The following MSRA variants were observed in gnomAD, a reference collection of about 807,000 sequenced individuals.
The protein encoded by MSRA is methionine sulfoxide reductase A.
In MSRA, 54 loss-of-function variants were observed where a neutral mutation model predicts 31.3. The ratio of observed to expected loss-of-function variants is 1.73; its 90% CI spans 1.39 to 2.17. The LOEUF is 2.17. Among genes scored for constraint, MSRA ranks in the 30% most tolerant of loss-of-function variants. The pLI, the probability that MSRA is intolerant of heterozygous loss-of-function variation, is 0.00. For synonymous variants in MSRA, 169 were observed against 116.5 expected, an observed-to-expected ratio of 1.45 and a Z score of -2.90; for missense variants, 507 against 300.9, an observed-to-expected ratio of 1.69 and a Z score of -5.07.
intron 5 of MSRA, among the ~76,000 whole-genome samples, chr8:10,357,787 C>T (rs939960432): frequency 6.6e-6 from 1 of 152,174 alleles, no homozygotes; most frequent in African/African-American, 2.4e-5. Context: ...ATGTGTAGTG[C>T]GTATGTTGGG....
chr8:10,339,610 T>C (rs150389922), intron 5 of MSRA, among the ~76,000 whole-genome samples: 82 of 147,158 alleles, frequency 5.6e-4, no homozygotes, highest in African/African-American at 2.0e-3. Context: ...GATGCGATCT[T>C]GGCTCACTGC....
Position 10,263,173 on chromosome 8 carries a change from G to GT in MSRA, c.331+17953dup, listed in dbSNP as rs550308352. Among the ~76,000 whole-genome samples the GT allele has an allele frequency of 3.3e-4, 50 of 152,334 alleles. 2 individuals are homozygous for GT. In the South Asian group the frequency reaches 0.01, roughly 32 times the overall value. ...CCAGCATTAGGTTGGGTGTTTCTCA[G>GT]TTTAATGGCTAAACTCAAAATCTTT... On this transcript the variant is annotated intron_variant, in intron 3 of 5. Transcript: ENST00000317173.
intron 2 of MSRA, among the ~76,000 whole-genome samples, chr8:10,219,875 T>G (rs984126348): frequency 6.0e-5 from 9 of 151,018 alleles, no homozygotes; most frequent in African/African-American, 1.7e-4. Context: ...GGTTTTTTTT[T>G]GTTTGTTTGT....
At chr8:10,105,766 A>T (rs1799838839) in intron 1 of MSRA, among the ~76,000 whole-genome samples, 1 of 152,160 alleles carries the variant, frequency 6.6e-6, no homozygotes, top group Admixed American at 6.5e-5. Flanking sequence ...GTTGTGGCTG[A>T]GGCTCCTTGT....
chr8:10,359,105 C>T (rs149507909), intron 5 of MSRA, among the ~76,000 whole-genome samples: 6 of 152,188 alleles, frequency 3.9e-5, no homozygotes, highest in East Asian at 1.9e-4. Context: ...GCTTTTTCAA[C>T]GTGTAGTTTT....
chr8:10,184,744 G>A (rs1806869577), intron 1 of MSRA, among the ~76,000 whole-genome samples: 1 of 152,158 alleles, frequency 6.6e-6, no homozygotes, highest in Non-Finnish European at 1.5e-5. Context: ...TGGATGAAGA[G>A]ATCTAGATTC....
intron 5 of MSRA, among the ~76,000 whole-genome samples, chr8:10,336,435 A>G (rs1585510560): frequency 6.6e-6 from 1 of 151,552 alleles, no homozygotes; most frequent in African/African-American, 2.4e-5. Flanking sequence ...AAAAATTTTA[A>G]TCCTTTTTTT....
At chr8:10,304,527 C>G (rs1219626796) in intron 4 of MSRA, among the ~76,000 whole-genome samples, 1 of 152,064 alleles carries the variant, frequency 6.6e-6, no homozygotes, top group African/African-American at 2.4e-5. Context: ...CCTGGGGAAC[C>G]CTGAAGGTCC....
intron 1 of MSRA, among the ~76,000 whole-genome samples, chr8:10,191,802 G>A (rs940348576): frequency 1.3e-5 from 2 of 151,750 alleles, no homozygotes; most frequent in Non-Finnish European, 2.9e-5. Context: ...GAAAAAAATT[G>A]CATTATTTTT....
At chr8:10,251,441 T>G (rs1308773273) in intron 3 of MSRA, among the ~76,000 whole-genome samples, 2 of 152,168 alleles carry the variant, frequency 1.3e-5, no homozygotes, top group African/African-American at 4.8e-5. Flanking sequence ...TCAAGGTAAA[T>G]TACTAAGTTA....
chr8:10,098,444 G>A (rs548925742), intron 1 of MSRA, among the ~76,000 whole-genome samples: 1 of 152,054 alleles, frequency 6.6e-6, no homozygotes, highest in African/African-American at 2.4e-5. Flanking sequence ...ATAATTACTC[G>A]CTCATTTATT....
At chr8:10,059,255 T>C (rs977962531) in intron 1 of MSRA, among the ~76,000 whole-genome samples, 1 of 152,232 alleles carries the variant, frequency 6.6e-6, no homozygotes, top group Non-Finnish European at 1.5e-5. Context: ...ATGATGATAA[T>C]AGCTCACACT....
chr8:10,138,799 A>G (rs1330872238), intron 1 of MSRA, among the ~76,000 whole-genome samples: 1 of 152,212 alleles, frequency 6.6e-6, no homozygotes, highest in African/African-American at 2.4e-5. Context: ...GTGCTAGTGC[A>G]GAACTAAGGC....
intron 3 of MSRA, among the ~76,000 whole-genome samples, chr8:10,280,587 A>G (rs1276217895): frequency 6.6e-6 from 1 of 152,240 alleles, no homozygotes; most frequent in African/African-American, 2.4e-5. Flanking sequence ...AAAATCGTGT[A>G]GTCACTTTGG....
chr8:10,418,336 A>G (rs1808604264), intron 5 of MSRA, among the ~76,000 whole-genome samples: 2 of 152,084 alleles, frequency 1.3e-5, no homozygotes, highest in African/African-American at 4.8e-5. Flanking sequence ...TCCTTGCCAC[A>G]AGGGCCTTCA....
chr8:10,339,862 C>T (rs1803309693), intron 5 of MSRA, among the ~76,000 whole-genome samples: 1 of 152,042 alleles, frequency 6.6e-6, no homozygotes. Flanking sequence ...TCAATACAGG[C>T]TGTCTGATGA....
rs184809645 is a variant in MSRA at position 10,091,669 on chromosome 8, C to T, written c.142+37011C>T. On this transcript the variant is annotated intron_variant, in intron 1 of 5. Coordinates refer to ENST00000317173, the MANE Select transcript of MSRA (RefSeq NM_012331.5). ...TCACCCAGGCTGGAGTGCAATGGTG[C>T]GATCTTGGCTCATTGCAACCTCTGC... Among the ~76,000 whole-genome samples the T allele has an allele frequency of 1.9e-3, 284 of 148,880 alleles. 1 individual carries two copies. The highest frequency in any genetic ancestry group is 6.5e-3 in the African/African-American group (260 of 40,198).
intron 1 of MSRA, among the ~76,000 whole-genome samples, chr8:10,089,484 A>C (rs1798753378): frequency 6.6e-6 from 1 of 152,214 alleles, no homozygotes; most frequent in Non-Finnish European, 1.5e-5. Context: ...TCCCATGGTC[A>C]GTGTCTGATG....
chr8:10,109,503 C>T (rs1269842340), intron 1 of MSRA, among the ~76,000 whole-genome samples: 1 of 151,868 alleles, frequency 6.6e-6, no homozygotes, highest in Non-Finnish European at 1.5e-5. Flanking sequence ...CTACCACACT[C>T]AGCTAATTAT....
Sources: allele counts gnomAD v4.1 joint callset (sites outside exome capture counted in the v4.1 genomes callset), GRCh38; gene constraint gnomAD v4.1.1; transcripts MANE v1.5; gene names NCBI Gene and HGNC (gene_info 2026-07-23, HGNC 2026-07-21).